Variants in GDI2 observed in about 807,000 individuals in gnomAD.
The protein encoded by GDI2 is GDP dissociation inhibitor 2.
In GDI2, 22 loss-of-function variants were observed where a neutral mutation model predicts 54.2. The ratio of observed to expected loss-of-function variants is 0.41; its 90% CI spans 0.29 to 0.58. The LOEUF (loss-of-function observed/expected upper bound fraction) is 0.58, where lower values mean the gene tolerates loss of function less well. Among genes scored for constraint, GDI2 ranks in the 20% least tolerant of loss-of-function variants. The probability of loss-of-function intolerance (pLI) is 0.35; values close to 1 mark genes in which losing one functional copy is unlikely to be tolerated. For missense variants in GDI2, 422 were observed against 546.0 expected (o/e 0.77, Z 2.26); for synonymous variants, 177 against 182.1 (o/e 0.97, Z 0.23).
intron 1 of GDI2, among the ~76,000 whole-genome samples, chr10:5,808,432 G>T (rs755542295): frequency 1.3e-5 from 2 of 152,150 alleles, no homozygotes; most frequent in Non-Finnish European, 2.9e-5. Flanking sequence ...CCAGCACTTT[G>T]GGAGGCTGAG....
chr10:5,773,781 T>C (rs1292479707), intron 7 of GDI2, 61 bp downstream of exon 7: 5 of 777,510 alleles, frequency 6.4e-6, no homozygotes, highest in African/African-American at 1.7e-5. Flanking sequence ...AATCAATATT[T>C]AGAATACACA....
chr10:5,798,896 C>T (rs1315994075), intron 2 of GDI2, among the ~76,000 whole-genome samples: 6 of 151,676 alleles, frequency 4.0e-5, no homozygotes, highest in Admixed American at 3.9e-4. Context: ...ATCACTTGAA[C>T]CCAAGAGATG....
intron 1 of GDI2, among the ~76,000 whole-genome samples, chr10:5,809,078 C>A (rs1841436790): frequency 6.6e-6 from 1 of 152,016 alleles, no homozygotes; most frequent in Non-Finnish European, 1.5e-5. Flanking sequence ...AACCCCATCT[C>A]TACTAAAAAT....
At chr10:5,810,940 T>C (rs1564401381) in intron 1 of GDI2, among the ~76,000 whole-genome samples, 1 of 152,200 alleles carries the variant, frequency 6.6e-6, no homozygotes, top group Non-Finnish European at 1.5e-5. Context: ...AGCACTTCCT[T>C]ACACTTCTTT....
intron 7 of GDI2, among the ~76,000 whole-genome samples, 195 bp downstream of exon 7, chr10:5,773,642 TTAAAA>T (rs1185585041): frequency 6.6e-6 from 1 of 152,096 alleles, no homozygotes; most frequent in Non-Finnish European, 1.5e-5. Context: ...TATTTCAATA[TTAAAA>T]TAATCAACAA....
At chr10:5,795,876 G>A (rs2131709214) in intron 3 of GDI2, among the ~76,000 whole-genome samples, 1 of 152,206 alleles carries the variant, frequency 6.6e-6, no homozygotes, top group Admixed American at 6.5e-5. Flanking sequence ...AGCTATGATT[G>A]CATTACTACA....
chr10:5,807,135 G>A (rs1167509095), intron 1 of GDI2, among the ~76,000 whole-genome samples: 1 of 152,172 alleles, frequency 6.6e-6, no homozygotes, highest in African/African-American at 2.4e-5. Flanking sequence ...CTTCCACACT[G>A]CTAAAAGAAT....
chr10:5,787,362 G>A (rs1840902680), intron 4 of GDI2, among the ~76,000 whole-genome samples: 1 of 152,140 alleles, frequency 6.6e-6, no homozygotes, highest in African/African-American at 2.4e-5. Flanking sequence ...AAATTAGCTG[G>A]GTGTGGTGGC....
At chr10:5,782,326 T>A (rs1443523277) in intron 6 of GDI2, among the ~76,000 whole-genome samples, 1 of 152,190 alleles carries the variant, frequency 6.6e-6, no homozygotes, top group Admixed American at 6.5e-5. Context: ...ATACTAAATG[T>A]TGACAAGGAT....
chr10:5,773,404 G>C (rs1840544378), intron 7 of GDI2, among the ~76,000 whole-genome samples: 1 of 151,820 alleles, frequency 6.6e-6, no homozygotes, highest in Admixed American at 6.6e-5. Context: ...TCACCTAAGA[G>C]GTTTCAAGAA....
rs776555459 is a variant in GDI2 at position 5,768,124 on chromosome 10, A to G, written c.991+89T>C. The G allele has an allele frequency of 3.1e-5, 33 of 1,070,086 alleles. No individual in the cohort carries two copies. The highest frequency in any genetic ancestry group is 2.6e-4 in the Middle Eastern group (1 of 3,858). 66.3% of individuals were successfully genotyped at this position (1,070,086 alleles called of 1,614,324 possible). ...TAAACCAAGGTCTGTTCACTAATAC[A>G]GCATACAAAATTAGGAATTTGGGAT... is the stretch of plus-strand genomic sequence containing the variant. On this transcript the variant is annotated intron_variant, in intron 8 of 10. Coordinates refer to ENST00000380191, the MANE Select transcript of GDI2 (RefSeq NM_001494.4). This position sits in a 1 kb window ranked among gnomAD's most constrained non-coding sequence, Gnocchi z 4.4.
Position 5,778,158 on chromosome 10 carries a change from A to G in GDI2, c.720-4217T>C, listed in dbSNP as rs146256103. On this transcript the variant is annotated intron_variant, in intron 6 of 10. Transcript: ENST00000380191. ...CAGGGGATGGGGGCTAGGGAGGGATAGCACTAGAAGTACCTAATGTAGATG... is the reference window on the plus strand; with the variant it reads ...CAGGGGATGGGGGCTAGGGAGGGATGGCACTAGAAGTACCTAATGTAGATG... 1.1e-3 allele frequency among the ~76,000 whole-genome samples: 164 copies of G among 152,330 alleles called. 3 individuals carry two copies. The East Asian group carries it at 0.023, about 21-fold the overall frequency.
intron 6 of GDI2, among the ~76,000 whole-genome samples, chr10:5,779,059 C>A (rs187171634): frequency 1.3e-5 from 2 of 152,186 alleles, no homozygotes; most frequent in African/African-American, 4.8e-5. Flanking sequence ...TGTTAAAATA[C>A]GCAGTTTAAA....
At chr10:5,813,190 C>G in intron 1 of GDI2, 24 bp downstream of exon 1, 2 of 1,508,854 alleles carry the variant, frequency 1.3e-6, no homozygotes, top group South Asian at 1.2e-5. Flanking sequence ...TGCTCAGCCC[C>G]GGCCCCTCAG....
chr10:5,792,957 T>TG (rs1841050665), intron 4 of GDI2, among the ~76,000 whole-genome samples: 1 of 101,958 alleles, frequency 9.8e-6, no homozygotes, highest in Admixed American at 1.0e-4. Context: ...ACGACCTTTG[T>TG]CCAAAAAAAA....
At chr10:5,807,436 T>G (rs190757960) in intron 1 of GDI2, among the ~76,000 whole-genome samples, 1 of 152,358 alleles carries the variant, frequency 6.6e-6, no homozygotes, top group East Asian at 1.9e-4. Flanking sequence ...GAAACTTGTA[T>G]GTGAATGAAT....
At chr10:5,783,861 C>T (rs552947450) in intron 6 of GDI2, among the ~76,000 whole-genome samples, 1 of 152,282 alleles carries the variant, frequency 6.6e-6, no homozygotes, top group East Asian at 1.9e-4. Flanking sequence ...TGACTCACAG[C>T]TCTTAAGATT....
At chr10:5,804,157 G>A (rs558239154) in intron 1 of GDI2, among the ~76,000 whole-genome samples, 66 of 151,574 alleles carry the variant, frequency 4.4e-4, no homozygotes, top group African/African-American at 1.3e-3. Context: ...GCAGTGGCGC[G>A]ATCTTGGCTC....
intron 7 of GDI2, chr10:5,769,004 T>A (rs966981549): frequency 6.6e-6 from 1 of 152,186 alleles, no homozygotes; most frequent in Admixed American, 6.5e-5. Context: ...ATCTTGTGCA[T>A]AGCCAGGCAT....
Sources: allele counts gnomAD v4.1 joint callset (sites outside exome capture counted in the v4.1 genomes callset), GRCh38; gene constraint gnomAD v4.1.1; non-coding constraint Gnocchi (gnomAD v3.1); transcripts MANE v1.5; gene names NCBI Gene and HGNC (gene_info 2026-07-23, HGNC 2026-07-21).